BCR: variants seen among roughly 807,000 people sequenced by gnomAD.
BCR encodes breakpoint cluster region protein.
Under a neutral mutation model 138.6 loss-of-function variants are expected in BCR, and 58 were observed. The ratio of observed to expected loss-of-function variants is 0.42; its 90% confidence interval spans 0.34 to 0.52. The LOEUF (loss-of-function observed/expected upper bound fraction) is 0.52, where lower values mean the gene tolerates loss of function less well. BCR is among the 20% of genes least tolerant of loss of function. BCR has a pLI of 0.06. For missense variants in BCR, 1,599 were observed against 1,727.2 expected (o/e 0.93, Z 1.32); for synonymous variants, 786 against 730.1 (o/e 1.08, Z -1.23).
intron 1 of BCR, among the ~76,000 whole-genome samples, chr22:23,217,927 G>T (rs1051256145): frequency 1.3e-5 from 2 of 152,188 alleles, no homozygotes; most frequent in African/African-American, 2.4e-5. Flanking sequence ...GCTGGTGGGA[G>T]AGCCGTGGCC....
intron 8 of BCR, among the ~76,000 whole-genome samples, chr22:23,281,820 C>T (rs533215934): frequency 3.3e-5 from 5 of 152,348 alleles, no homozygotes; most frequent in African/African-American, 7.2e-5. Context: ...GTCCTCTCAA[C>T]GTGGCAAGCC....
At chr22:23,282,322 C>CGGCA (rs1443862828) in intron 8 of BCR, among the ~76,000 whole-genome samples, 2 of 152,252 alleles carry the variant, frequency 1.3e-5, no homozygotes, top group Non-Finnish European at 2.9e-5. Flanking sequence ...CGTCTGCCCT[C>CGGCA]GGCAGGCGGG....
chr22:23,257,607 G>A (rs573064738), intron 2 of BCR, among the ~76,000 whole-genome samples: 2 of 152,222 alleles, frequency 1.3e-5, no homozygotes, highest in African/African-American at 4.8e-5. Context: ...AGCAGGGAGC[G>A]GCATCTGCAC....
At chr22:23,238,414 A>T (rs892910192) in intron 1 of BCR, among the ~76,000 whole-genome samples, 2 of 152,080 alleles carry the variant, frequency 1.3e-5, no homozygotes, top group Admixed American at 6.6e-5. Flanking sequence ...CACCTGGAAC[A>T]TCTTAAATTC....
intron 4 of BCR, chr22:23,264,170 G>A: frequency 1.4e-6 from 2 of 1,405,834 alleles, no homozygotes; most frequent in Non-Finnish European, 2.0e-6. Context: ...GCAACCACTT[G>A]CTTGCCACAG....
At chr22:23,281,885 C>T (rs549969090) in intron 8 of BCR, among the ~76,000 whole-genome samples, 1 of 152,202 alleles carries the variant, frequency 6.6e-6, no homozygotes, top group Admixed American at 6.5e-5. Flanking sequence ...TGCTGAAGGC[C>T]GAGGGTGCCC....
intron 1 of BCR, 148 bp downstream of exon 1, chr22:23,182,387 C>T: frequency 1.1e-6 from 1 of 944,234 alleles, no homozygotes; most frequent in East Asian, 2.7e-5. Flanking sequence ...GATCCTGCAC[C>T]CGAACAAACT....
intron 1 of BCR, among the ~76,000 whole-genome samples, chr22:23,202,205 T>A (rs528560362): frequency 9.1e-4 from 139 of 152,276 alleles, no homozygotes; most frequent in Admixed American, 2.7e-3. Flanking sequence ...TCTCTTTTTT[T>A]AAATAGCTTC....
chr22:23,225,062 G>A (rs1006749747), intron 1 of BCR, among the ~76,000 whole-genome samples: 3 of 151,742 alleles, frequency 2.0e-5, no homozygotes, highest in African/African-American at 7.3e-5. Flanking sequence ...CCAAGCAGGA[G>A]GCAGCCAAGC....
chr22:23,213,179 A>C (rs1453065620), intron 1 of BCR, among the ~76,000 whole-genome samples: 1 of 151,890 alleles, frequency 6.6e-6, no homozygotes, highest in East Asian at 1.9e-4. Flanking sequence ...GATGTGGCTG[A>C]CCCCTGCAGC....
At chr22:23,296,156 C>T (rs572215048) in intron 16 of BCR, among the ~76,000 whole-genome samples, 6 of 152,076 alleles carry the variant, frequency 3.9e-5, no homozygotes, top group East Asian at 1.9e-4. Context: ...GGGCGGATCA[C>T]GAGGTCAGGA....
chr22:23,258,037 A>G (rs892288725), intron 2 of BCR, among the ~76,000 whole-genome samples: 36 of 152,114 alleles, frequency 2.4e-4, no homozygotes, highest in African/African-American at 7.7e-4. Flanking sequence ...GTCACTGCCT[A>G]CCCTGCCCTG....
At chr22:23,267,993 TG>T (rs201856510) in intron 4 of BCR, among the ~76,000 whole-genome samples, 3,469 of 152,252 alleles carry the variant, frequency 0.023, 64 homozygotes, top group Non-Finnish European at 0.027. Context: ...TGGAACACCA[TG>T]GGTGGGAAAG....
rs373334393 is a variant in BCR at position 23,285,288 on chromosome 22, A to T, written c.2406+87A>T. 6,077 of 1,429,692 alleles carry T rather than the reference A, an allele frequency of 4.3e-3. 24 individuals carry two copies. The highest frequency in any genetic ancestry group is 5.5e-3 in the Non-Finnish European group (5,872 of 1,060,956). 88.6% of individuals were successfully genotyped at this position (1,429,692 alleles called of 1,614,324 possible). ...ACGGCCAGTGGGTGCTTTCTCCGTC[A>T]GGCCTCTGGGCCCCAGGTCTGGTCT... is the stretch of plus-strand genomic sequence containing the variant. On this transcript the variant is annotated intron_variant, in intron 10 of 22. Transcript: ENST00000305877.
At chr22:23,238,879 G>A (rs927051429) in intron 1 of BCR, among the ~76,000 whole-genome samples, 25 of 149,108 alleles carry the variant, frequency 1.7e-4, no homozygotes, top group Non-Finnish European at 3.3e-4. Context: ...AGGGGGGTGG[G>A]GGGCAGGTGG....
intron 1 of BCR, among the ~76,000 whole-genome samples, chr22:23,231,776 T>TG (rs1163184304): frequency 1.3e-5 from 2 of 152,250 alleles, no homozygotes; most frequent in African/African-American, 2.4e-5. Flanking sequence ...CTGTGAGTTA[T>TG]GTCCCCACCC....
intron 8 of BCR, among the ~76,000 whole-genome samples, chr22:23,282,290 G>A (rs1445267919): frequency 2.0e-5 from 3 of 152,232 alleles, no homozygotes; most frequent in East Asian, 1.9e-4. Context: ...CTTGCTTCCC[G>A]TGGGTGCCGT....
At chr22:23,263,014 G>T in intron 4 of BCR, 1 of 810,014 alleles carries the variant, frequency 1.2e-6, no homozygotes, top group Non-Finnish European at 1.8e-6. Flanking sequence ...GAGGCACAAG[G>T]AAGAAAGTAT....
At chr22:23,207,111 C>G (rs925038392) in intron 1 of BCR, among the ~76,000 whole-genome samples, 2 of 152,134 alleles carry the variant, frequency 1.3e-5, no homozygotes, top group Admixed American at 1.3e-4. Flanking sequence ...CATCCTCCAA[C>G]CATTCATCTG....
Sources: gnomAD v4.1 joint callset for allele counts (sites outside exome capture counted in the v4.1 genomes callset) on GRCh38, gnomAD v4.1.1 for gene constraint, MANE v1.5 for transcripts, NCBI Gene and HGNC (gene_info 2026-07-23, HGNC 2026-07-21) for gene names.